SP3: variants seen among roughly 807,000 people sequenced by gnomAD.
SP3 encodes Sp3 transcription factor.
SP3 carries 10 observed loss-of-function variants against 70.3 expected under a neutral mutation model. The observed-to-expected ratio is 0.14, with a 90% CI of 0.09 to 0.24. SP3 has a LOEUF of 0.24. SP3 is among the 10% of genes least tolerant of loss of function. The pLI is 1.00. For synonymous variants in SP3, 402 were observed against 333.5 expected (o/e 1.21, Z -2.24); for missense variants, 825 against 914.6 (o/e 0.90, Z 1.26).
chr2:173,910,804 C>T (rs1689460001), intron 6 of SP3, among the ~76,000 whole-genome samples: 1 of 152,140 alleles, frequency 6.6e-6, no homozygotes, highest in African/African-American at 2.4e-5. Flanking sequence ...TTGACTTCAG[C>T]TACAACAATC....
chr2:173,928,571 A>G (rs1689981354), intron 4 of SP3, among the ~76,000 whole-genome samples: 1 of 150,914 alleles, frequency 6.6e-6, no homozygotes, highest in Non-Finnish European at 1.5e-5. Flanking sequence ...TGCAGACTGT[A>G]AACAATCCTG....
Position 173,964,540 on chromosome 2 carries a change from G to T in SP3, c.21C>A (p.Pro7=). ...AGGCAGCCATTTCCTCTTGTTTCAC[G>T]GGCTTTTCGGGAGCTGCAGGCACAG... MTAPEK[P]VKQEEMAALD... Residue 7 remains proline, a synonymous_variant, in exon 2 of 7, where the codon CCC becomes CCA. Transcript: ENST00000310015. 2 of 691,974 alleles carry T rather than the reference G, an allele frequency of 2.9e-6. No homozygotes were observed. Among genetic ancestry groups the T allele is most frequent in the South Asian group, 1.5e-5 (1 of 66,332 alleles). The allele number at this position is 691,974 out of a possible 1,614,324, so 42.9% of individuals were successfully genotyped here.
intron 4 of SP3, among the ~76,000 whole-genome samples, chr2:173,950,394 G>A (rs1381608778): frequency 6.6e-6 from 1 of 152,082 alleles, no homozygotes. Context: ...AAAGTAAAGT[G>A]CAGGCTAGGC....
intron 3 of SP3, among the ~76,000 whole-genome samples, chr2:173,960,814 C>CAA (rs142922056): frequency 1.9e-4 from 27 of 143,412 alleles, no homozygotes; most frequent in African/African-American, 3.1e-4. Context: ...ACTAAAAATA[C>CAA]AAAAAAAAAA....
chr2:173,937,950 A>G (rs970687303), intron 4 of SP3, among the ~76,000 whole-genome samples: 1 of 152,214 alleles, frequency 6.6e-6, no homozygotes, highest in Non-Finnish European at 1.5e-5. Flanking sequence ...AAAATACACT[A>G]AATCTACAGT....
intron 3 of SP3, among the ~76,000 whole-genome samples, chr2:173,962,538 T>G (rs1691119922): frequency 6.6e-6 from 1 of 152,190 alleles, no homozygotes; most frequent in South Asian, 2.1e-4. Flanking sequence ...CATTTTTACA[T>G]GTTAATCTGC....
Position 173,906,518 on chromosome 2 carries a change from C to G in SP3, c.*3423G>C, listed in dbSNP as rs1689326890. On this transcript the variant is annotated 3_prime_UTR_variant, in exon 7 of 7. Transcript: ENST00000310015. Reference sequence around the variant, plus strand: ...TCTTTTACAACAAAAACGATTGTTACCAGCTTCATATAATTAAAACTGAAA... The same window carrying G: ...TCTTTTACAACAAAAACGATTGTTAGCAGCTTCATATAATTAAAACTGAAA... The G allele has an allele frequency of 6.6e-6, 1 of 152,118 alleles. No homozygotes were observed. The highest frequency in any genetic ancestry group is 2.1e-4 in the South Asian group (1 of 4,822). 9.4% of individuals were successfully genotyped at this position (152,118 alleles called of 1,614,324 possible). A position where few individuals can be genotyped will look rare whatever the true frequency, so the allele number is the denominator to read the frequency against.
At chr2:173,963,204 C>G (rs116666667) in intron 3 of SP3, 266 of 152,228 alleles carry the variant, frequency 1.7e-3, no homozygotes, top group African/African-American at 6.2e-3. Flanking sequence ...TTTTAGTAGT[C>G]TGCAAAAACT....
At position 173,963,856 on chromosome 2, in the gene SP3, G is replaced by C; in HGVS notation, c.184C>G (p.Leu62Val). The change falls in exon 3 of 7, where the codon CTG (leucine) becomes GTG (valine). Residue 62 changes from leucine (L) to valine (V), a missense_variant. By Grantham distance (32) the Leu-to-Val change is conservative. Transcript: ENST00000310015. ...CCTATCTTGCTGCAGGTAGCGGCCA[G>C]CAGAGCGAGCGGTGACGGCTGAGTG... ...QDTQPSPLAL[L>V]AATCSKIGPP... 6.6e-7 allele frequency: 1 copy of C among 1,507,262 alleles called. No individual in the cohort carries two copies. The highest frequency in any genetic ancestry group is 8.9e-7 in the Non-Finnish European group (1 of 1,125,054). 93.4% of individuals were successfully genotyped at this position (1,507,262 alleles called of 1,614,324 possible).
At chr2:173,965,128 C>T in intron 1 of SP3, 37 bp downstream of exon 1, 1 of 1,546,674 alleles carries the variant, frequency 6.5e-7, no homozygotes. Context: ...GCGGCGGCGG[C>T]GGCAGCAGCA....
At position 173,901,632 on chromosome 2, in the gene SP3, T is replaced by C. The variant is rs1689191164; in HGVS notation, c.*8309A>G. On this transcript the variant is annotated 3_prime_UTR_variant, in exon 7 of 7. Coordinates refer to ENST00000310015, the MANE Select transcript of SP3 (RefSeq NM_003111.5). ...ACATCCATCAACCCATCATGTGCAG[T>C]AGCCTATATCCCCAGCCGTTGGATA... Among the ~76,000 whole-genome samples the C allele has an allele frequency of 6.6e-6, 1 of 151,340 alleles. No individual in the cohort carries two copies. The highest frequency in any genetic ancestry group is 1.9e-4 in the East Asian group (1 of 5,160).
At chr2:173,911,826 T>G (rs1199971926) in intron 6 of SP3, among the ~76,000 whole-genome samples, 1 of 147,254 alleles carries the variant, frequency 6.8e-6, no homozygotes, top group Non-Finnish European at 1.5e-5. Context: ...TTTTTTTTTT[T>G]TTTTTTTTTT....
At chr2:173,933,674 A>AC in intron 4 of SP3, among the ~76,000 whole-genome samples, 1 of 141,370 alleles carries the variant, frequency 7.1e-6, no homozygotes, top group Non-Finnish European at 1.5e-5. Context: ...ATATATATAA[A>AC]AGTTATAAAG....
At chr2:173,914,333 A>AC (rs1689571585) in intron 5 of SP3, 1 of 151,902 alleles carries the variant, frequency 6.6e-6, no homozygotes, top group African/African-American at 2.4e-5. Context: ...CCAATCTCAC[A>AC]GTTTAGGCAT....
At chr2:173,923,274 C>A (rs1241005898) in intron 4 of SP3, among the ~76,000 whole-genome samples, 1 of 150,572 alleles carries the variant, frequency 6.6e-6, no homozygotes, top group Admixed American at 6.6e-5. Flanking sequence ...AACAAGCTTG[C>A]GAAAGGGGTA....
chr2:173,952,509 T>C (rs1690738541), intron 4 of SP3, among the ~76,000 whole-genome samples: 1 of 152,180 alleles, frequency 6.6e-6, no homozygotes, highest in South Asian at 2.1e-4. Context: ...ATGGTCTCTT[T>C]GGAAAACCGG....
At chr2:173,964,303 A>T (rs1308734335) in intron 2 of SP3, 102 bp downstream of exon 2, 8 of 504,244 alleles carry the variant, frequency 1.6e-5, no homozygotes, top group East Asian at 7.8e-5. Context: ...AGGGGAGGGG[A>T]GAGACGAGGA....
chr2:173,954,627 T>C (rs898214445), intron 4 of SP3, among the ~76,000 whole-genome samples: 1 of 152,086 alleles, frequency 6.6e-6, no homozygotes, highest in Non-Finnish European at 1.5e-5. Flanking sequence ...AATATAAAAT[T>C]AAGAAAAAAC....
In SP3 at chr2:173,954,896, C is replaced by G; in HGVS notation, c.1616G>C (p.Gly539Ala). 1 of 1,613,728 alleles carries G rather than the reference C, an allele frequency of 6.2e-7. No homozygotes were observed. The stretch of plus-strand genomic sequence containing the variant: ...ACCTGCAGGACTGTCAGCATTCTCT[C>G]CTGGATGTAGCTGTATACCAGCAGA... ...IDSAGIQLHP[G>A]ENADSPADIR... Residue 539 changes from glycine (G) to alanine (A), a missense_variant, in exon 4 of 7, where the codon GGA becomes GCA. Around this residue, in one of 4 missense-constraint regions of SP3, gnomAD observed 678 missense variants for 651.6 expected, o/e 1.04. Transcript: ENST00000310015.
Sources: gnomAD v4.1 joint callset for allele counts (sites outside exome capture counted in the v4.1 genomes callset) on GRCh38, gnomAD v4.1.1 for gene constraint, gnomAD v4.1.1 regional missense constraint, MANE v1.5 for transcripts, NCBI Gene and HGNC (gene_info 2026-07-23, HGNC 2026-07-21) for gene names.